The following ALCAM variants were observed in gnomAD, a reference collection of about 807,000 sequenced individuals.
ALCAM encodes the protein activated leukocyte cell adhesion molecule, also known as CD166 antigen.
In ALCAM, 30 loss-of-function variants were observed where a neutral mutation model predicts 70.9. The ratio of observed to expected loss-of-function variants is 0.42; its 90% CI spans 0.32 to 0.57. The LOEUF (loss-of-function observed/expected upper bound fraction) is 0.57, where lower values mean the gene tolerates loss of function less well. Among genes scored for constraint, ALCAM ranks in the 20% least tolerant of loss-of-function variants. ALCAM has a pLI of 0.11. For missense variants in ALCAM, 591 were observed against 695.1 expected (o/e 0.85, Z 1.68); for synonymous variants, 249 against 242.5 (o/e 1.03, Z -0.25).
Position 105,545,318 on chromosome 3 carries a change from A to G in ALCAM, c.1087A>G (p.Thr363Ala). Residue 363 changes from threonine to alanine, a missense_variant, in exon 9 of 16, where the codon ACT (threonine) becomes GCT (alanine). Transcript: ENST00000306107. Reference sequence around the variant, plus strand: ...CACAATATCTGCTAGCAGGAATGCAACTGTGGTATGGATGAAAGTAAGTAA... The same window carrying G: ...CACAATATCTGCTAGCAGGAATGCAGCTGTGGTATGGATGAAAGTAAGTAA... The part of the protein sequence containing the change: ...SCTISASRNA[T>A]VVWMKDNIRL... The G allele has an allele frequency of 6.2e-7, 1 of 1,607,216 alleles. No individual in the cohort carries two copies. The highest frequency in any genetic ancestry group is 1.1e-5 in the South Asian group (1 of 90,980).
chr3:105,410,244 G>A (rs1183031612), intron 1 of ALCAM, among the ~76,000 whole-genome samples: 1 of 151,918 alleles, frequency 6.6e-6, no homozygotes, highest in African/African-American at 2.4e-5. Flanking sequence ...TGCCAATATG[G>A]GTCACCCAGA....
intron 14 of ALCAM, among the ~76,000 whole-genome samples, chr3:105,562,405 A>G (rs1940646055): frequency 6.6e-6 from 1 of 152,172 alleles, no homozygotes. Flanking sequence ...AAATAATCAT[A>G]TTGTTTACTC....
At chr3:105,508,341 G>A (rs1939138228) in intron 1 of ALCAM, among the ~76,000 whole-genome samples, 1 of 152,048 alleles carries the variant, frequency 6.6e-6, no homozygotes, top group South Asian at 2.1e-4. Flanking sequence ...AATTCATTTT[G>A]AGCTCTATCT....
At chr3:105,382,329 C>G (rs537924851) in intron 1 of ALCAM, among the ~76,000 whole-genome samples, 1 of 152,056 alleles carries the variant, frequency 6.6e-6, no homozygotes, top group East Asian at 1.9e-4. Flanking sequence ...TTTCTTAATC[C>G]AGTCTATCAT....
intron 1 of ALCAM, among the ~76,000 whole-genome samples, chr3:105,372,816 T>C (rs1212797031): frequency 6.6e-6 from 1 of 152,130 alleles, no homozygotes; most frequent in Non-Finnish European, 1.5e-5. Context: ...TGATGCAAAA[T>C]CTTGGCCCAA....
chr3:105,513,816 C>A (rs1014421857), intron 1 of ALCAM, among the ~76,000 whole-genome samples: 1 of 151,886 alleles, frequency 6.6e-6, no homozygotes, highest in Non-Finnish European at 1.5e-5. Context: ...CATTTTATTG[C>A]ATTTTATTAG....
At chr3:105,542,561 C>A (rs1940145863) in intron 8 of ALCAM, among the ~76,000 whole-genome samples, 2 of 151,782 alleles carry the variant, frequency 1.3e-5, no homozygotes, top group Admixed American at 1.3e-4. Context: ...TACAAACTTC[C>A]TAATAAGTCC....
Position 105,413,444 on chromosome 3 carries a change from A to C in ALCAM, c.73+45963A>C, listed in dbSNP as rs191632372. Among the ~76,000 whole-genome samples, 3 of 152,228 alleles carry C rather than the reference A, an allele frequency of 2.0e-5. No individual in the cohort carries two copies. The East Asian group carries it at 5.8e-4, about 30-fold the overall frequency. The stretch of plus-strand genomic sequence containing the variant: ...CTCCATCTTCTCTCTACACATTTGC[A>C]CATCTTTCCAATCTTACAGACCTGG... On this transcript the variant is annotated intron_variant, in intron 1 of 15. Transcript: ENST00000306107.
intron 1 of ALCAM, among the ~76,000 whole-genome samples, chr3:105,506,180 A>G (rs759428248): frequency 8.5e-5 from 13 of 152,336 alleles, no homozygotes; most frequent in Admixed American, 2.6e-4. Context: ...TTAAACATGT[A>G]CTAATAGTTA....
At chr3:105,556,398 T>TA (rs1940518924) in intron 14 of ALCAM, among the ~76,000 whole-genome samples, 1 of 152,052 alleles carries the variant, frequency 6.6e-6, no homozygotes, top group Non-Finnish European at 1.5e-5. Flanking sequence ...CTTGGAAACT[T>TA]ACTGAGAGAT....
chr3:105,566,745 T>C (rs1054592382), intron 14 of ALCAM, among the ~76,000 whole-genome samples: 2 of 152,154 alleles, frequency 1.3e-5, no homozygotes, highest in African/African-American at 2.4e-5. Context: ...CTGTTTTATC[T>C]GCATATATTA....
At position 105,398,571 on chromosome 3, in the gene ALCAM, C is replaced by G. The variant is rs932664985; in HGVS notation, c.73+31090C>G. Among the ~76,000 whole-genome samples, 6 of 152,092 alleles carry G rather than the reference C, an allele frequency of 3.9e-5. No homozygotes were observed. The South Asian group carries it at 1.2e-3, about 32-fold the overall frequency. ...TTCCATAGTCTTTTAAATGTGATGG[C>G]CAGTGGTTCATTTATTGCAATAATT... is the stretch of plus-strand genomic sequence containing the variant. On this transcript the variant is annotated intron_variant, in intron 1 of 15. Coordinates refer to ENST00000306107, the MANE Select transcript of ALCAM (RefSeq NM_001627.4).
chr3:105,546,500 T>G (rs1940251540), intron 9 of ALCAM, among the ~76,000 whole-genome samples: 1 of 151,458 alleles, frequency 6.6e-6, no homozygotes, highest in Non-Finnish European at 1.5e-5. Flanking sequence ...CAATCTAGCA[T>G]GATATGTTTG....
chr3:105,416,620 A>G (rs1297346196), intron 1 of ALCAM, among the ~76,000 whole-genome samples: 1 of 151,924 alleles, frequency 6.6e-6, no homozygotes, highest in Non-Finnish European at 1.5e-5. Context: ...CCCATTCTTG[A>G]TAAATGTTAC....
intron 3 of ALCAM, chr3:105,525,356 T>C: frequency 6.1e-6 from 6 of 980,770 alleles, no homozygotes; most frequent in Non-Finnish European, 6.1e-6. Flanking sequence ...TGAGAAGTTA[T>C]AATTAAAGTA....
chr3:105,371,517 C>CTTTTTTTTTTTTTTT (rs35522913), intron 1 of ALCAM, among the ~76,000 whole-genome samples: 1 of 142,574 alleles, frequency 7.0e-6, no homozygotes, highest in South Asian at 2.1e-4. Flanking sequence ...AAAGATGTTT[C>CTTTTTTTTTTTTTTT]TTTTTTTTTT....
chr3:105,498,561 C>G (rs1365809377), intron 1 of ALCAM, among the ~76,000 whole-genome samples: 1 of 151,810 alleles, frequency 6.6e-6, no homozygotes, highest in Non-Finnish European at 1.5e-5. Context: ...ATAATTTTAC[C>G]TGCCTTGATA....
intron 1 of ALCAM, among the ~76,000 whole-genome samples, chr3:105,388,488 A>G (rs1286999141): frequency 6.6e-6 from 1 of 151,622 alleles, no homozygotes; most frequent in Admixed American, 6.6e-5. Context: ...TACTCCAAGC[A>G]GAGATGTTCT....
In ALCAM at chr3:105,523,176, A is replaced by G. The variant is rs1401451071; in HGVS notation, c.175-1113A>G. ...AAAAAAAAAAAAAAAAGAAAGCCCAAAGAAAACACCTGCCATAAAGTTAAG... is the reference window on the plus strand; with the variant it reads ...AAAAAAAAAAAAAAAAGAAAGCCCAGAGAAAACACCTGCCATAAAGTTAAG... On this transcript the variant is annotated intron_variant, in intron 2 of 15. Transcript: ENST00000306107. 3.3e-5 allele frequency among the ~76,000 whole-genome samples: 5 copies of G among 151,130 alleles called. No individual in the cohort carries two copies. The East Asian group carries it at 9.7e-4, about 29-fold the overall frequency.
Sources: allele counts gnomAD v4.1 joint callset (sites outside exome capture counted in the v4.1 genomes callset), GRCh38; gene constraint gnomAD v4.1.1; transcripts MANE v1.5; gene names NCBI Gene and HGNC (gene_info 2026-07-23, HGNC 2026-07-21).